Variants in ANKS1B observed in about 807,000 individuals in gnomAD.
ANKS1B encodes ankyrin repeat and sterile alpha motif domain-containing protein 1B.
A neutral mutation model predicts 148.3 loss-of-function variants in ANKS1B; 36 were observed. The observed-to-expected ratio is 0.24, with a 90% CI of 0.19 to 0.32. The LOEUF is 0.32. Ranked by LOEUF, ANKS1B falls within the 10% of genes least tolerant of loss-of-function variation. The pLI is 1.00. For synonymous variants in ANKS1B, 542 were observed against 560.8 expected (o/e 0.97, Z 0.47); for missense variants, 1,157 against 1,542.6 (o/e 0.75, Z 4.19).
At chr12:99,782,212 T>G in intron 4 of ANKS1B, 115 bp from the exon 5 acceptor site, 1 of 825,848 alleles carries the variant, frequency 1.2e-6, no homozygotes, top group Non-Finnish European at 1.9e-6. Context: ...ATCTCAGCTC[T>G]CCCTAACAGA....
At chr12:99,102,883 C>G (rs1011074539) in intron 15 of ANKS1B, among the ~76,000 whole-genome samples, 20 of 151,972 alleles carry the variant, frequency 1.3e-4, no homozygotes, top group Non-Finnish European at 2.9e-4. Flanking sequence ...GAGCTATGAT[C>G]ACATCACTGC....
At position 99,955,492 on chromosome 12, in the gene ANKS1B, C is replaced by CAAAA. The variant is rs61654867; in HGVS notation, c.134+28608_134+28611dup. Among the ~76,000 whole-genome samples, 15 of 38,094 alleles carry CAAAA rather than the reference C, an allele frequency of 3.9e-4. 3 individuals carry two copies. The East Asian group carries it at 0.018, about 45-fold the overall frequency. The allele number at this position is 38,094 out of a possible 152,430, so 25.0% of individuals were successfully genotyped here. A position where few individuals can be genotyped will look rare whatever the true frequency, so the allele number is the denominator to read the frequency against. ...TGGGCGACAGAGCGAAACTCCGTCTCAAAAAAAAAAAAAAAAAAAAAAAAA... is the reference window on the plus strand; with the variant it reads ...TGGGCGACAGAGCGAAACTCCGTCTCAAAAAAAAAAAAAAAAAAAAAAAAAAAAA... On this transcript the variant is annotated intron_variant, in intron 1 of 26. Transcript: ENST00000683438.
chr12:99,417,177 A>G (rs2094934489), intron 11 of ANKS1B, among the ~76,000 whole-genome samples: 1 of 152,158 alleles, frequency 6.6e-6, no homozygotes, highest in Non-Finnish European at 1.5e-5. Context: ...ATTTTTTTCT[A>G]AAAGTTTTAT....
At chr12:99,430,892 G>A (rs1411655649) in intron 11 of ANKS1B, among the ~76,000 whole-genome samples, 3 of 152,272 alleles carry the variant, frequency 2.0e-5, no homozygotes, top group Non-Finnish European at 4.4e-5. Flanking sequence ...ATAATAAAAA[G>A]TATGGCATTT....
rs558472431 is a variant in ANKS1B, at chr12:99,939,103, T to G, written c.134+45001A>C. On this transcript the variant is annotated intron_variant, in intron 1 of 26. Transcript: ENST00000683438. ...ATCTGAAGGTTCTTTTTTAAAAAAT[T>G]TCTTTTGAGACAGGGTCTTGCTCTG... is the stretch of plus-strand genomic sequence containing the variant. 8.6e-4 allele frequency among the ~76,000 whole-genome samples: 131 copies of G among 152,250 alleles called. 7 individuals are homozygous for G. The South Asian group carries it at 0.022, about 25-fold the overall frequency.
intron 8 of ANKS1B, among the ~76,000 whole-genome samples, chr12:99,764,817 A>C (rs1400638819): frequency 2.6e-5 from 4 of 152,202 alleles, no homozygotes; most frequent in African/African-American, 7.2e-5. Context: ...AAGGGTCTTG[A>C]ATGCCTGAGT....
chr12:99,891,351 C>A (rs1207300461), intron 1 of ANKS1B, among the ~76,000 whole-genome samples: 1 of 151,810 alleles, frequency 6.6e-6, no homozygotes, highest in East Asian at 1.9e-4. Context: ...TGTGTGTGTG[C>A]AGTGTGTACT....
At chr12:99,794,846 G>A (rs2066057676) in intron 4 of ANKS1B, among the ~76,000 whole-genome samples, 1 of 151,820 alleles carries the variant, frequency 6.6e-6, no homozygotes, top group Admixed American at 6.6e-5. Context: ...ATAAATAATT[G>A]TAACACAAAA....
intron 14 of ANKS1B, among the ~76,000 whole-genome samples, chr12:99,179,448 A>C (rs2153848096): frequency 6.6e-6 from 1 of 151,850 alleles, no homozygotes; most frequent in South Asian, 2.1e-4. Flanking sequence ...AAAAAAAAAA[A>C]AAAAAATTTA....
intron 9 of ANKS1B, among the ~76,000 whole-genome samples, chr12:99,550,811 T>C (rs2097211120): frequency 6.6e-6 from 1 of 152,152 alleles, no homozygotes; most frequent in South Asian, 2.1e-4. Flanking sequence ...ACAACAACTA[T>C]AAAGCTTCTG....
chr12:99,600,121 A>C (rs567276533), intron 9 of ANKS1B, among the ~76,000 whole-genome samples: 2 of 151,940 alleles, frequency 1.3e-5, no homozygotes, highest in Non-Finnish European at 2.9e-5. Context: ...CCATTTTGGA[A>C]AATTATCTTA....
intron 24 of ANKS1B, 42 bp downstream of exon 24, chr12:98,781,075 A>T: frequency 8.2e-7 from 1 of 1,226,726 alleles, no homozygotes; most frequent in Non-Finnish European, 1.2e-6. Flanking sequence ...TACACTCAGG[A>T]CTGCATCTGG....
downstream of ANKS1B, among the ~76,000 whole-genome samples, chr12:98,741,221 T>C (rs2097796949): frequency 6.6e-6 from 1 of 152,184 alleles, no homozygotes; most frequent in Non-Finnish European, 1.5e-5. Flanking sequence ...CACCGACCCC[T>C]GAATCTCTGC....
intron 1 of ANKS1B, among the ~76,000 whole-genome samples, chr12:99,853,204 G>T (rs966409505): frequency 1.3e-5 from 2 of 152,132 alleles, no homozygotes. Flanking sequence ...CCTAGGGCAA[G>T]CTTGTATCCT....
chr12:99,816,311 C>T (rs2069134993), intron 2 of ANKS1B, among the ~76,000 whole-genome samples: 1 of 151,432 alleles, frequency 6.6e-6, no homozygotes, highest in South Asian at 2.1e-4. Flanking sequence ...TCTATTCATC[C>T]CCTTTGCCTA....
intron 8 of ANKS1B, among the ~76,000 whole-genome samples, chr12:99,751,782 A>G (rs936304807): frequency 2.6e-5 from 4 of 152,102 alleles, no homozygotes; most frequent in Admixed American, 1.3e-4. Context: ...TACAACCACC[A>G]TAAGTACTAT....
chr12:99,264,349 T>C (rs2076225609), intron 12 of ANKS1B, among the ~76,000 whole-genome samples: 1 of 152,172 alleles, frequency 6.6e-6, no homozygotes, highest in Non-Finnish European at 1.5e-5. Flanking sequence ...GTAATTTTTA[T>C]TTATACATTT....
intron 8 of ANKS1B, among the ~76,000 whole-genome samples, chr12:99,670,310 A>G (rs961718235): frequency 4.1e-5 from 6 of 146,452 alleles, no homozygotes; most frequent in African/African-American, 1.7e-4. Flanking sequence ...CCAATTTCCT[A>G]ATTCATAATA....
intron 12 of ANKS1B, among the ~76,000 whole-genome samples, chr12:99,277,312 C>T (rs2077798625): frequency 6.6e-6 from 1 of 152,162 alleles, no homozygotes; most frequent in Non-Finnish European, 1.5e-5. Flanking sequence ...TTTACCCTTA[C>T]CATGAATTAA....
Sources: allele counts gnomAD v4.1 joint callset (sites outside exome capture counted in the v4.1 genomes callset), GRCh38; gene constraint gnomAD v4.1.1; transcripts MANE v1.5; gene names NCBI Gene and HGNC (gene_info 2026-07-23, HGNC 2026-07-21).